TTN: variants seen among roughly 807,000 people sequenced by gnomAD.
The protein encoded by TTN is connectin.
TTN carries 1,525 observed loss-of-function variants against 3,223.0 expected under a neutral mutation model. The ratio of observed to expected loss-of-function variants is 0.47; its 90% CI spans 0.45 to 0.49. The LOEUF (loss-of-function observed/expected upper bound fraction) is 0.49. Ranked by LOEUF, TTN falls within the 20% of genes least tolerant of loss-of-function variation. TTN has a pLI of 0.00. For synonymous variants in TTN, 14,094 were observed against 15,161.0 expected, an observed-to-expected ratio of 0.93 and a Z score of 5.17; for missense variants, 40,786 against 43,424.0, an observed-to-expected ratio of 0.94 and a Z score of 5.40.
intron 242 of TTN, among the ~76,000 whole-genome samples, chr2:178,623,727 A>G (rs2058635943): frequency 6.6e-6 from 1 of 151,938 alleles, no homozygotes; most frequent in African/African-American, 2.4e-5. Context: ...AAGCAACCAA[A>G]CCAAACAAAC....
chr2:178,638,276 C>T (rs2060755925), intron 223 of TTN, among the ~76,000 whole-genome samples: 1 of 149,810 alleles, frequency 6.7e-6, no homozygotes, highest in Non-Finnish European at 1.5e-5. Context: ...TGGTAATGTC[C>T]AAATATTTTG....
rs774414270 is a variant in TTN at position 178,789,977 on chromosome 2, C to A, written c.1938+1G>T. 1 of 1,612,782 alleles carries A rather than the reference C, an allele frequency of 6.2e-7. No individual in the cohort carries two copies. The highest frequency in any genetic ancestry group is 1.1e-5 in the South Asian group (1 of 91,062). Reference sequence around the variant, plus strand: ...TTCACAGCTCAAATATCTGTATTCACCTTCTCCTGAGTTATTTGCACTTGT... The same window carrying A: ...TTCACAGCTCAAATATCTGTATTCAACTTCTCCTGAGTTATTTGCACTTGT... On this transcript the variant is annotated splice_donor_variant, in intron 12 of 362. Coordinates refer to ENST00000589042, the MANE Select transcript of TTN (RefSeq NM_001267550.2). LOFTEE classifies it high-confidence loss of function.
chr2:178,791,690 C>T (rs78514585), intron 10 of TTN, among the ~76,000 whole-genome samples: 2 of 81,638 alleles, frequency 2.4e-5, no homozygotes, highest in Admixed American at 1.3e-4. Flanking sequence ...TGTGTGTGTG[C>T]ATGTGTGTGT....
chr2:178,776,772 C>G lies in TTN; in HGVS notation c.5092G>C (p.Glu1698Gln), dbSNP rs2092269896. 3.1e-6 allele frequency: 5 copies of G among 1,613,996 alleles called. No homozygotes were observed. Among genetic ancestry groups the G allele is most frequent in the Non-Finnish European group, 3.4e-6 (4 of 1,180,014 alleles). ...QWEEGDLYDK[E>Q]KQQKPFFKKK... ...TTGAAAAATGGTTTCTGTTGTTTCT[C>G]TTTGTCATAGAGATCACCTTCTTCC... Residue 1698 changes from glutamate (E) to glutamine (Q), a missense_variant, in exon 28 of 363, where the codon GAG (glutamate) becomes CAG (glutamine). Physicochemically the swap from Glu to Gln is conservative, Grantham distance 29 (BLOSUM62 2). Transcript: ENST00000589042.
In TTN at chr2:178,683,991, C is replaced by A; in HGVS notation, c.32806+8G>T. On this transcript the variant is annotated splice_region_variant and intron_variant, in intron 133 of 362. Coordinates refer to ENST00000589042, the MANE Select transcript of TTN (RefSeq NM_001267550.2). ...TGATTTTTTTTTTTTTTTTAAGAGT[C>A]AGTATACCTTTAGCTGGTGGTTCCT... 1.3e-6 allele frequency: 2 copies of A among 1,516,600 alleles called. No individual in the cohort carries two copies. The highest frequency in any genetic ancestry group is 2.1e-5 in the Admixed American group (1 of 48,484). 93.9% of individuals were successfully genotyped at this position (1,516,600 alleles called of 1,614,324 possible).
chr2:178,585,670 C>T (rs557512411), intron 308 of TTN, among the ~76,000 whole-genome samples: 19 of 152,164 alleles, frequency 1.2e-4, no homozygotes, highest in African/African-American at 4.1e-4. Context: ...TCAGCTCCCA[C>T]TTATGAGTGA....
intron 47 of TTN, chr2:178,747,333 C>A (rs761126478): frequency 6.2e-7 from 1 of 1,613,322 alleles, no homozygotes; most frequent in Non-Finnish European, 8.5e-7. Context: ...TCAACTGTCT[C>A]ACCTCCTGAA....
Position 178,794,442 on chromosome 2 carries a change from C to T in TTN, c.1355G>A (p.Arg452Lys), listed in dbSNP as rs1302834290. 6.2e-7 allele frequency: 1 copy of T among 1,614,068 alleles called. No homozygotes were observed. The highest frequency in any genetic ancestry group is 1.7e-5 in the Admixed American group (1 of 60,006). Residue 452 changes from arginine to lysine, a missense_variant, in exon 8 of 363, where the codon AGG (arginine) becomes AAG (lysine). Physicochemically the swap from Arg to Lys is conservative, Grantham distance 26 (BLOSUM62 2). Coordinates refer to ENST00000589042, the MANE Select transcript of TTN (RefSeq NM_001267550.2). ...GATGTGCACAGCAGTCGTGGTTGTC[C>T]TCTGAGCAGTCTGCTCTACAGCGCT... The part of the protein sequence containing the change: ...VISAVEQTAQ[R>K]TTTTAVHIQP...
chr2:178,793,514 C>T lies in TTN; in HGVS notation c.1426G>A (p.Val476Ile). ...QVRKEAEKTAVTKVVVAADKA... is the reference protein window; with the variant it reads ...QVRKEAEKTAITKVVVAADKA... The stretch of plus-strand genomic sequence containing the variant: ...TCGGCGGCCACTACTACCTTAGTTA[C>T]AGCAGTCTTCTCCGCTTCCTTTCTT... The change falls in exon 9 of 363, where the codon GTA (valine) becomes ATA (isoleucine). Residue 476 changes from valine to isoleucine, a missense_variant. Val to Ile is a conservative substitution (Grantham distance 29). Coordinates refer to ENST00000589042, the MANE Select transcript of TTN (RefSeq NM_001267550.2). 1.2e-6 allele frequency: 2 copies of T among 1,614,028 alleles called. No homozygotes were observed. The highest frequency in any genetic ancestry group is 1.7e-6 in the Non-Finnish European group (2 of 1,180,014).
At position 178,719,647 on chromosome 2, in the gene TTN, G is replaced by A; in HGVS notation, c.23845C>T (p.Pro7949Ser). 1 of 1,613,664 alleles carries A rather than the reference G, an allele frequency of 6.2e-7. No individual in the cohort carries two copies. The highest frequency in any genetic ancestry group is 8.5e-7 in the Non-Finnish European group (1 of 1,179,700). The change falls in exon 82 of 363, where the codon CCC (proline) becomes TCC (serine). Residue 7949 changes from proline to serine, a missense_variant. Physicochemically the swap from Pro to Ser is moderately conservative, Grantham distance 74 (BLOSUM62 -1). Coordinates refer to ENST00000589042, the MANE Select transcript of TTN (RefSeq NM_001267550.2). Reference sequence around the variant, plus strand: ...CCTTTGTCACTCATTTCGGCACAGGGGATTTTAAGGGAAGCCACTTTATTG... The same window carrying A: ...CCTTTGTCACTCATTTCGGCACAGGAGATTTTAAGGGAAGCCACTTTATTG... Reference protein sequence around the residue: ...FINKVASLKIPCAEMSDKGLY... With the variant: ...FINKVASLKISCAEMSDKGLY...
chr2:178,783,635 T>C, intron 17 of TTN, 85 bp downstream of exon 17: 2 of 1,223,940 alleles, frequency 1.6e-6, no homozygotes, highest in Non-Finnish European at 2.4e-6. Flanking sequence ...TTGTATTAAT[T>C]TGAGAAACTG....
intron 48 of TTN, among the ~76,000 whole-genome samples, chr2:178,738,669 A>G (rs2081955516): frequency 6.6e-6 from 1 of 152,162 alleles, no homozygotes; most frequent in Non-Finnish European, 1.5e-5. Flanking sequence ...GAATGGGAAC[A>G]CTGAAAATAA....
chr2:178,551,865 C>A lies in TTN; in HGVS notation c.91035G>T (p.Trp30345Cys). The change falls in exon 335 of 363, where the codon TGG becomes TGT. Residue 30345 changes from tryptophan (W) to cysteine (C), a missense_variant. Trp to Cys is a radical substitution (Grantham distance 215). Transcript: ENST00000589042. ...NVTSDGMSLT[W>C]DAPVYDGGSE... is the part of the protein sequence containing the mutation. ...AACCACCATCATAAACTGGAGCATCCCAAGTTAGTGACATGCCATCAGAAG... is the reference window on the plus strand; with the variant it reads ...AACCACCATCATAAACTGGAGCATCACAAGTTAGTGACATGCCATCAGAAG... The A allele has an allele frequency of 6.2e-7, 1 of 1,613,812 alleles. No individual in the cohort carries two copies. The highest frequency in any genetic ancestry group is 8.5e-7 in the Non-Finnish European group (1 of 1,179,812).
rs2073302326 is a variant in TTN, at chr2:178,694,812, A to C, written c.31348+17T>G. ...ATTACTTGTGTACATGGGTGCTAGG[A>C]ATGTTTTAAATAATACCTTTGGTGA... On this transcript the variant is annotated intron_variant, in intron 116 of 362. Transcript: ENST00000589042. 6.5e-7 allele frequency: 1 copy of C among 1,547,462 alleles called. No homozygotes were observed. The highest frequency in any genetic ancestry group is 1.2e-5 in the South Asian group (1 of 83,872).
intron 259 of TTN, 146 bp from the exon 260 acceptor site, chr2:178,615,114 A>T: frequency 1.0e-6 from 1 of 992,768 alleles, no homozygotes; most frequent in Non-Finnish European, 1.5e-6. Flanking sequence ...ATAACTGAAT[A>T]CATTTTCATT....
At position 178,533,751 on chromosome 2, in the gene TTN, A is replaced by G; in HGVS notation, c.102864T>C (p.His34288=). ...GVTITVHPEP[H]VTWYKSGQKI... ...TCTGACCTGATTTATACCATGTTAC[A>G]TGAGGCTCTGGGTGGACAGTTATAG... The change falls in exon 358 of 363, where the codon CAT becomes CAC. Residue 34288 remains histidine (H), a synonymous_variant. Transcript: ENST00000589042. 1.2e-6 allele frequency: 2 copies of G among 1,613,956 alleles called. No individual in the cohort carries two copies. Among genetic ancestry groups the G allele is most frequent in the Non-Finnish European group, 1.7e-6 (2 of 1,179,874 alleles).
Position 178,561,642 on chromosome 2 carries a change from C to G in TTN, c.84490G>C (p.Val28164Leu). 1 of 1,610,248 alleles carries G rather than the reference C, an allele frequency of 6.2e-7. No homozygotes were observed. The highest frequency in any genetic ancestry group is 1.7e-4 in the Middle Eastern group (1 of 6,032). The change falls in exon 326 of 363, where the codon GTG (valine) becomes CTG (leucine). Residue 28164 changes from valine (V) to leucine (L), a missense_variant. Coordinates refer to ENST00000589042, the MANE Select transcript of TTN (RefSeq NM_001267550.2). ...AGCATGGTAGATTTTGTGGCATGCA[C>G]AACTTTAGGAGTACCAGGAGGACCT... ...PPGPPGTPKVVHATKSTMLVT... is the reference protein window; with the variant it reads ...PPGPPGTPKVLHATKSTMLVT...
In TTN at chr2:178,588,745, A is replaced by T; in HGVS notation, c.62980T>A (p.Ser20994Thr). The change falls in exon 304 of 363, where the codon TCT (serine) becomes ACT (threonine). Residue 20994 changes from serine (S) to threonine (T), a missense_variant. Ser to Thr is a moderately conservative substitution (Grantham distance 58, BLOSUM62 1). Transcript: ENST00000589042. Reference protein sequence around the residue: ...WNPPEYDGGKSITGYFLEKKE... With the variant: ...WNPPEYDGGKTITGYFLEKKE... ...TTCTCCAAAAAGTATCCAGTTATAG[A>T]CTTTCCACCATCATATTCAGGTGGA... The T allele has an allele frequency of 6.2e-7, 1 of 1,613,238 alleles. No homozygotes were observed. The highest frequency in any genetic ancestry group is 1.1e-5 in the South Asian group (1 of 91,044).
chr2:178,772,707 T>A (rs2091703858), intron 33 of TTN, among the ~76,000 whole-genome samples: 1 of 152,234 alleles, frequency 6.6e-6, no homozygotes, highest in Admixed American at 6.5e-5. Context: ...ACCAATTGAT[T>A]ATCTGTCATT....
Sources: allele counts gnomAD v4.1 joint callset (sites outside exome capture counted in the v4.1 genomes callset), GRCh38; gene constraint gnomAD v4.1.1; transcripts MANE v1.5; gene names NCBI Gene and HGNC (gene_info 2026-07-23, HGNC 2026-07-21).